SPTBN1: variants seen among roughly 807,000 people sequenced by gnomAD.
SPTBN1 encodes the protein spectrin beta, non-erythrocytic 1.
Under a neutral mutation model 266.4 loss-of-function variants are expected in SPTBN1, and 32 were observed. The observed-to-expected ratio is 0.12, with a 90% CI of 0.09 to 0.16. The LOEUF (loss-of-function observed/expected upper bound fraction) is 0.16. Among genes scored for constraint, SPTBN1 ranks in the 10% least tolerant of loss-of-function variants. The pLI, the probability that SPTBN1 is intolerant of heterozygous loss-of-function variation, is 1.00. For synonymous variants in SPTBN1, 1,336 were observed against 1,162.2 expected (o/e 1.15, Z -3.04); for missense variants, 2,296 against 3,067.1 (o/e 0.75, Z 5.94).
At chr2:54,634,989 C>T (rs1679020639) in intron 17 of SPTBN1, among the ~76,000 whole-genome samples, 1 of 152,242 alleles carries the variant, frequency 6.6e-6, no homozygotes, top group Non-Finnish European at 1.5e-5. Context: ...TATCCAGCTT[C>T]ATAAAGCAAG....
chr2:54,617,502 A>G, intron 5 of SPTBN1, 106 bp from the exon 6 acceptor site: 1 of 938,224 alleles, frequency 1.1e-6, no homozygotes, highest in South Asian at 1.6e-5. Flanking sequence ...TCACTGCTTT[A>G]GGTTTTACAA....
intron 1 of SPTBN1, among the ~76,000 whole-genome samples, chr2:54,508,333 C>T (rs1045232236): frequency 2.6e-5 from 4 of 152,120 alleles, no homozygotes; most frequent in East Asian, 1.9e-4. Context: ...TTTCCTGACT[C>T]GAGGCATGTG....
intron 2 of SPTBN1, among the ~76,000 whole-genome samples, chr2:54,598,728 T>C (rs900970116): frequency 7.9e-5 from 12 of 152,198 alleles, no homozygotes; most frequent in African/African-American, 2.9e-4. Context: ...TGTTGTCATC[T>C]GCATCCTGCT....
At chr2:54,552,120 C>T (rs1026330729) in intron 2 of SPTBN1, among the ~76,000 whole-genome samples, 1 of 152,122 alleles carries the variant, frequency 6.6e-6, no homozygotes, top group African/African-American at 2.4e-5. Context: ...GAGGAGTGGT[C>T]ACCCTTGTTC....
chr2:54,602,257 T>G (rs556768883), intron 3 of SPTBN1, among the ~76,000 whole-genome samples: 1 of 152,316 alleles, frequency 6.6e-6, no homozygotes, highest in African/African-American at 2.4e-5. Flanking sequence ...GATTGGCAGA[T>G]AAAAGTGTGA....
At chr2:54,641,853 G>A (rs779463156) in intron 18 of SPTBN1, among the ~76,000 whole-genome samples, 3 of 152,146 alleles carry the variant, frequency 2.0e-5, no homozygotes, top group Non-Finnish European at 4.4e-5. Context: ...GGAGTGGAAG[G>A]GCCTTGGAAG....
intron 28 of SPTBN1, 55 bp downstream of exon 28, chr2:54,655,263 T>G (rs1680574130): frequency 6.3e-7 from 1 of 1,598,528 alleles, no homozygotes; most frequent in African/African-American, 1.3e-5. Flanking sequence ...TAAAATGACT[T>G]TGTTTTATAT....
intron 2 of SPTBN1, among the ~76,000 whole-genome samples, chr2:54,568,750 T>G (rs1673846682): frequency 1.3e-5 from 2 of 152,354 alleles, no homozygotes; most frequent in South Asian, 4.1e-4. Context: ...TCAGTTTCTC[T>G]AAATTATTCC....
chr2:54,650,028 T>C (rs1680167173), intron 26 of SPTBN1, 39 bp downstream of exon 26: 2 of 1,566,910 alleles, frequency 1.3e-6, no homozygotes, highest in African/African-American at 1.4e-5. Flanking sequence ...GGGGAGGCTT[T>C]TTCTCCATAG....
At chr2:54,520,779 T>C (rs951704076) in intron 1 of SPTBN1, among the ~76,000 whole-genome samples, 7 of 151,524 alleles carry the variant, frequency 4.6e-5, no homozygotes, top group Non-Finnish European at 1.0e-4. Flanking sequence ...AGGGTATTAC[T>C]GTTTTTATTC....
chr2:54,491,439 G>A (rs1399281172), intron 1 of SPTBN1, among the ~76,000 whole-genome samples: 2 of 152,110 alleles, frequency 1.3e-5, no homozygotes, highest in Non-Finnish European at 2.9e-5. Flanking sequence ...GAAATTCTTG[G>A]TCATCTTATG....
chr2:54,607,257 T>A (rs989247188), intron 3 of SPTBN1, among the ~76,000 whole-genome samples: 1 of 152,254 alleles, frequency 6.6e-6, no homozygotes, highest in Non-Finnish European at 1.5e-5. Flanking sequence ...TACAATTTTT[T>A]AAAAATACAG....
chr2:54,501,569 T>G (rs1669270634), intron 1 of SPTBN1, among the ~76,000 whole-genome samples: 1 of 152,162 alleles, frequency 6.6e-6, no homozygotes, highest in Non-Finnish European at 1.5e-5. Context: ...GACAGCCAGG[T>G]GTAGGTTTGT....
intron 33 of SPTBN1, among the ~76,000 whole-genome samples, chr2:54,665,541 A>G (rs1334058216): frequency 6.6e-6 from 1 of 152,224 alleles, no homozygotes; most frequent in Non-Finnish European, 1.5e-5. Context: ...GCTGGAGGAC[A>G]GGCATGTTTT....
In SPTBN1 at chr2:54,629,478, C is replaced by T. The variant is rs760307356; in HGVS notation, c.2344C>T (p.Leu782=). 1 of 1,614,178 alleles carries T rather than the reference C, an allele frequency of 6.2e-7. No homozygotes were observed. Among genetic ancestry groups the T allele is most frequent in the South Asian group, 1.1e-5 (1 of 91,092 alleles). ...CCACGATGAGTATTCCACACAGTCTCTGGTCAAGAAACACAAGGACGTGGC... is the reference window on the plus strand; with the variant it reads ...CCACGATGAGTATTCCACACAGTCTTTGGTCAAGAAACACAAGGACGTGGC... The part of the protein sequence containing the change: ...VGHDEYSTQS[L]VKKHKDVAEE... Residue 782 remains leucine, a synonymous_variant, in exon 14 of 36, where the codon CTG becomes TTG. Coordinates refer to ENST00000356805, the MANE Select transcript of SPTBN1 (RefSeq NM_003128.3).
intron 2 of SPTBN1, among the ~76,000 whole-genome samples, chr2:54,561,070 C>A (rs1673266739): frequency 1.3e-5 from 2 of 152,150 alleles, no homozygotes; most frequent in Non-Finnish European, 2.9e-5. Flanking sequence ...CCTTTTTTTA[C>A]TCTTCTGAGT....
At chr2:54,493,212 C>G (rs925627632) in intron 1 of SPTBN1, among the ~76,000 whole-genome samples, 12 of 151,794 alleles carry the variant, frequency 7.9e-5, no homozygotes, top group Admixed American at 3.3e-4. Context: ...CGCCATGTTG[C>G]CCAGGCTGGT....
chr2:54,519,119 G>T (rs1399706145), intron 1 of SPTBN1, among the ~76,000 whole-genome samples: 1 of 152,156 alleles, frequency 6.6e-6, no homozygotes, highest in East Asian at 1.9e-4. Flanking sequence ...TACCAGAGTG[G>T]CAGCTCCAAT....
At chr2:54,530,285 C>T (rs1166652169) in intron 2 of SPTBN1, among the ~76,000 whole-genome samples, 3 of 146,844 alleles carry the variant, frequency 2.0e-5, no homozygotes, top group Non-Finnish European at 3.0e-5. Context: ...AGGTAAACTA[C>T]TTGTTACTAA....
Sources: allele counts gnomAD v4.1 joint callset (sites outside exome capture counted in the v4.1 genomes callset), GRCh38; gene constraint gnomAD v4.1.1; transcripts MANE v1.5; gene names NCBI Gene and HGNC (gene_info 2026-07-23, HGNC 2026-07-21).